The following CRIM1 variants were observed in gnomAD, a reference collection of about 807,000 sequenced individuals.
CRIM1 encodes the protein cysteine-rich motor neuron 1 protein.
Under a neutral mutation model 116.4 loss-of-function variants are expected in CRIM1, and 32 were observed. The ratio of observed to expected loss-of-function variants is 0.27; its 90% CI spans 0.21 to 0.37. The LOEUF (loss-of-function observed/expected upper bound fraction) is 0.37. Ranked by LOEUF, CRIM1 falls within the 10% of genes least tolerant of loss-of-function variation. CRIM1 has a pLI of 1.00. For missense variants in CRIM1, 1,331 were observed against 1,354.8 expected (o/e 0.98, Z 0.28); for synonymous variants, 590 against 509.2 (o/e 1.16, Z -2.13).
chr2:36,545,117 C>T (rs1487226541), intron 15 of CRIM1, among the ~76,000 whole-genome samples: 1 of 152,184 alleles, frequency 6.6e-6, no homozygotes, highest in Non-Finnish European at 1.5e-5. Context: ...TATAAACTTG[C>T]TCTTAGCCGT....
intron 14 of CRIM1, among the ~76,000 whole-genome samples, chr2:36,543,129 G>A (rs752312061): frequency 9.2e-5 from 14 of 151,962 alleles, no homozygotes; most frequent in Admixed American, 2.6e-4. Context: ...ACTATTCTTG[G>A]AGGCAACAAG....
In CRIM1 at chr2:36,356,674, C is replaced by A. The variant is rs778218633; in HGVS notation, c.331+51C>A. Reference sequence around the variant, plus strand: ...TCCCACCTGGCCTGCGCCGCCCCCTCGGCGCTGGTTGTGCCGAACAAAGTT... The same window carrying A: ...TCCCACCTGGCCTGCGCCGCCCCCTAGGCGCTGGTTGTGCCGAACAAAGTT... On this transcript the variant is annotated intron_variant, in intron 1 of 16. Transcript: ENST00000280527. This position sits in a 1 kb window ranked among gnomAD's most constrained non-coding sequence, Gnocchi z 4.3. 6 of 1,538,974 alleles carry A rather than the reference C, an allele frequency of 3.9e-6. No individual in the cohort carries two copies. The highest frequency in any genetic ancestry group is 1.2e-5 in the South Asian group (1 of 83,186).
chr2:36,498,376 C>T (rs1210481576), intron 7 of CRIM1, among the ~76,000 whole-genome samples: 1 of 152,152 alleles, frequency 6.6e-6, no homozygotes, highest in African/African-American at 2.4e-5. Context: ...TAGATTTCCT[C>T]ATCTGTAAAT....
At position 36,441,281 on chromosome 2, in the gene CRIM1, G is replaced by T; in HGVS notation, c.529G>T (p.Ala177Ser). 1 of 1,614,128 alleles carries T rather than the reference G, an allele frequency of 6.2e-7. No homozygotes were observed. ...IEEEKPDCSK[A>S]RCEVQFSPRC... ...AGAAGAGAAGCCAGATTGCTCCAAGGCCCGCTGTGAAGTCCAGTTCTCTCC... is the reference window on the plus strand; with the variant it reads ...AGAAGAGAAGCCAGATTGCTCCAAGTCCCGCTGTGAAGTCCAGTTCTCTCC... Residue 177 changes from alanine to serine, a missense_variant, in exon 3 of 17, where the codon GCC (alanine) becomes TCC (serine). By Grantham distance (99) the Ala-to-Ser change is moderately conservative (BLOSUM62 1). Around this residue, in one of 3 missense-constraint regions of CRIM1, gnomAD observed 690 missense variants for 676.0 expected, o/e 1.02. Transcript: ENST00000280527.
intron 5 of CRIM1, among the ~76,000 whole-genome samples, chr2:36,473,223 G>T (rs1212181817): frequency 6.6e-6 from 1 of 152,194 alleles, no homozygotes; most frequent in African/African-American, 2.4e-5. Context: ...CATGCAAGGG[G>T]ACATATTAAA....
At chr2:36,416,814 C>T (rs1487146794) in intron 2 of CRIM1, among the ~76,000 whole-genome samples, 1 of 152,216 alleles carries the variant, frequency 6.6e-6, no homozygotes, top group East Asian at 1.9e-4. Flanking sequence ...AATTCTTCCT[C>T]CCATGAGCTT....
rs754718857 is a variant in CRIM1, at chr2:36,547,067, G to T, written c.2830G>T (p.Val944Leu). The change falls in exon 16 of 17, where the codon GTG becomes TTG. Residue 944 changes from valine to leucine, a missense_variant. This residue lies in a region of CRIM1 where 283 missense variants were observed against 242.8 expected (regional missense o/e 1.17). Coordinates refer to ENST00000280527, the MANE Select transcript of CRIM1 (RefSeq NM_016441.3). ...DSSLDSIASV[V>L]VPIIICLSII... ...TTCACTGGACTCCATTGCCTCAGTTGTGGTTCCCATAATTATATGCCTCTC... is the reference window on the plus strand; with the variant it reads ...TTCACTGGACTCCATTGCCTCAGTTTTGGTTCCCATAATTATATGCCTCTC... The T allele has an allele frequency of 9.3e-6, 15 of 1,611,918 alleles. No individual in the cohort carries two copies. In the East Asian group the frequency reaches 2.9e-4, roughly 31 times the overall value.
chr2:36,435,805 T>C (rs1675267615), intron 2 of CRIM1, among the ~76,000 whole-genome samples: 1 of 152,132 alleles, frequency 6.6e-6, no homozygotes, highest in Non-Finnish European at 1.5e-5. Context: ...TGGGTGAGCC[T>C]GTCAATATTT....
rs981157793 is a variant in CRIM1 at position 36,446,635 on chromosome 2, C to G, written c.869+3900C>G. Among the ~76,000 whole-genome samples, 9 of 152,240 alleles carry G rather than the reference C, an allele frequency of 5.9e-5. No homozygotes were observed. The South Asian group carries it at 1.9e-3, about 32-fold the overall frequency. On this transcript the variant is annotated intron_variant, in intron 4 of 16. Coordinates refer to ENST00000280527, the MANE Select transcript of CRIM1 (RefSeq NM_016441.3). Reference sequence around the variant, plus strand: ...ATTAATTTTTAACCATTATTTGATTCTTCCTTCCCTCAACTTGGCATAGAT... The same window carrying G: ...ATTAATTTTTAACCATTATTTGATTGTTCCTTCCCTCAACTTGGCATAGAT...
intron 1 of CRIM1, among the ~76,000 whole-genome samples, chr2:36,375,783 A>G (rs1322494077): frequency 6.6e-6 from 1 of 152,236 alleles, no homozygotes; most frequent in East Asian, 1.9e-4. Flanking sequence ...TTAAGGGAGC[A>G]TACTTTGTAC....
At chr2:36,405,459 C>T (rs549101008) in intron 2 of CRIM1, among the ~76,000 whole-genome samples, 1 of 152,310 alleles carries the variant, frequency 6.6e-6, no homozygotes, top group Non-Finnish European at 1.5e-5. Flanking sequence ...GTATCATGCA[C>T]TGAGGGTGTC....
At chr2:36,368,102 T>C (rs1197979676) in intron 1 of CRIM1, among the ~76,000 whole-genome samples, 1 of 152,200 alleles carries the variant, frequency 6.6e-6, no homozygotes, top group Non-Finnish European at 1.5e-5. Flanking sequence ...TTCTTTTACC[T>C]TTGCTGCTGT....
rs1417543121 is a variant in CRIM1, at chr2:36,522,329, A to G, written c.2428+16A>G. 2 of 1,576,668 alleles carry G rather than the reference A, an allele frequency of 1.3e-6. No homozygotes were observed. The highest frequency in any genetic ancestry group is 1.1e-5 in the South Asian group (1 of 90,226). On this transcript the variant is annotated intron_variant, in intron 13 of 16. Coordinates refer to ENST00000280527, the MANE Select transcript of CRIM1 (RefSeq NM_016441.3). Reference sequence around the variant, plus strand: ...TACTGCATAGGTAAGACCAAGGAAAAAAAAATCCCTCATCTCTACCAGTTG... The same window carrying G: ...TACTGCATAGGTAAGACCAAGGAAAGAAAAATCCCTCATCTCTACCAGTTG...
At chr2:36,399,742 A>G (rs1001178478) in intron 2 of CRIM1, among the ~76,000 whole-genome samples, 1 of 152,224 alleles carries the variant, frequency 6.6e-6, no homozygotes, top group Non-Finnish European at 1.5e-5. Context: ...CGATTGCAGG[A>G]GCAAAGACTT....
At chr2:36,372,934 T>A (rs1199170974) in intron 1 of CRIM1, among the ~76,000 whole-genome samples, 1 of 152,192 alleles carries the variant, frequency 6.6e-6, no homozygotes, top group Non-Finnish European at 1.5e-5. Flanking sequence ...GCAAGGTTAT[T>A]TTTTGAGGGT....
At chr2:36,364,492 G>C (rs1669458895) in intron 1 of CRIM1, among the ~76,000 whole-genome samples, 1 of 152,204 alleles carries the variant, frequency 6.6e-6, no homozygotes, top group South Asian at 2.1e-4. Flanking sequence ...CATGTCAGGA[G>C]CAAGTAAGAG....
chr2:36,545,769 T>C (rs555607517), intron 15 of CRIM1, among the ~76,000 whole-genome samples: 2 of 152,296 alleles, frequency 1.3e-5, no homozygotes, highest in South Asian at 4.1e-4. Context: ...TTATATCTTA[T>C]TCTTCTTGTA....
chr2:36,378,984 G>A (rs1328977917), intron 1 of CRIM1: 1 of 152,124 alleles, frequency 6.6e-6, no homozygotes, highest in Admixed American at 6.5e-5. Flanking sequence ...TTCTGTAACA[G>A]GATAGCAACA....
intron 2 of CRIM1, among the ~76,000 whole-genome samples, chr2:36,420,898 T>C (rs1164085471): frequency 6.6e-6 from 1 of 152,138 alleles, no homozygotes; most frequent in Non-Finnish European, 1.5e-5. Flanking sequence ...TTTTCAGCCA[T>C]TTAGGAAGCT....
Sources: allele counts gnomAD v4.1 joint callset (sites outside exome capture counted in the v4.1 genomes callset), GRCh38; gene constraint gnomAD v4.1.1; regional missense constraint gnomAD v4.1.1; non-coding constraint Gnocchi (gnomAD v3.1); transcripts MANE v1.5; gene names NCBI Gene and HGNC (gene_info 2026-07-23, HGNC 2026-07-21).